Variants in ZNF561 observed in about 807,000 individuals in gnomAD.
The protein encoded by ZNF561 is zinc finger protein 561.
ZNF561 carries 16 observed loss-of-function variants against 16.7 expected under a neutral mutation model. The ratio of observed to expected loss-of-function variants is 0.96; its 90% CI spans 0.65 to 1.45. ZNF561 has a LOEUF of 1.45. Among genes scored for constraint, ZNF561 ranks in the 40% most tolerant of loss-of-function variants. The pLI is 0.00. For missense variants in ZNF561, 580 were observed against 578.0 expected, an observed-to-expected ratio of 1.00 and a Z score of -0.04; for synonymous variants, 190 against 192.1, an observed-to-expected ratio of 0.99 and a Z score of 0.09.
chr19:9,611,472 A>C, intron 5 of ZNF561, 136 bp from the exon 6 acceptor site: 1 of 992,790 alleles, frequency 1.0e-6, no homozygotes, highest in Admixed American at 3.4e-5. Flanking sequence ...TTTTGAGAGA[A>C]AGTCTTGTTC....
chr19:9,608,560 C>A lies in ZNF561; in HGVS notation c.*1640G>T, dbSNP rs1323836956. The A allele has an allele frequency of 6.6e-6, 1 of 151,934 alleles. No individual in the cohort carries two copies. The highest frequency in any genetic ancestry group is 1.9e-4 in the East Asian group (1 of 5,190). 9.4% of individuals were successfully genotyped at this position (151,934 alleles called of 1,614,324 possible). On this transcript the variant is annotated 3_prime_UTR_variant, in exon 6 of 6. Coordinates refer to ENST00000302851, the MANE Select transcript of ZNF561 (RefSeq NM_152289.3). Reference sequence around the variant, plus strand: ...CTCATTAAGGCAGATTAAAAACAAACAAACAAAAAAACTAAAAATGTGAAG... The same window carrying A: ...CTCATTAAGGCAGATTAAAAACAAAAAAACAAAAAAACTAAAAATGTGAAG...
At chr19:9,614,778 G>A (rs183313237) in intron 4 of ZNF561, among the ~76,000 whole-genome samples, 122 of 151,292 alleles carry the variant, frequency 8.1e-4, no homozygotes, top group African/African-American at 2.5e-3. Context: ...AAGAGTCAAA[G>A]ATATCCAAAA....
Position 9,619,466 on chromosome 19 carries a change from C to G in ZNF561, c.-10G>C. The G allele has an allele frequency of 6.2e-7, 1 of 1,612,978 alleles. No homozygotes were observed. Among genetic ancestry groups the G allele is most frequent in the Non-Finnish European group, 8.5e-7 (1 of 1,179,298 alleles). On this transcript the variant is annotated 5_prime_UTR_variant, in exon 2 of 6. Coordinates refer to ENST00000302851, the MANE Select transcript of ZNF561 (RefSeq NM_152289.3). ...AATAAATGGCTGCCATTCTCTGAAG[C>G]TGATGGTGTGATGATGTGCATCCCT...
Position 9,619,458 on chromosome 19 carries a change from C to T in ZNF561, c.-2G>A. On this transcript the variant is annotated 5_prime_UTR_variant, in exon 2 of 6. Coordinates refer to ENST00000302851, the MANE Select transcript of ZNF561 (RefSeq NM_152289.3). ...ACGGGACAAATAAATGGCTGCCATT[C>T]TCTGAAGCTGATGGTGTGATGATGT... 1 of 1,613,126 alleles carries T rather than the reference C, an allele frequency of 6.2e-7. No individual in the cohort carries two copies. The highest frequency in any genetic ancestry group is 1.7e-4 in the Middle Eastern group (1 of 6,060).
intron 1 of ZNF561, among the ~76,000 whole-genome samples, chr19:9,619,926 C>CTATCTATCTATCTATCTATCTATCTATT (rs1555692407): frequency 1.6e-3 from 203 of 129,998 alleles, no homozygotes; most frequent in Admixed American, 2.6e-3. Flanking sequence ...TCTATCCTAT[C>CTATCTATCTATCTATCTATCTATCTATT]TATCTATCTA....
chr19:9,619,830 T>C (rs893668544), intron 1 of ZNF561, among the ~76,000 whole-genome samples: 1 of 152,220 alleles, frequency 6.6e-6, no homozygotes, highest in African/African-American at 2.4e-5. Context: ...CCAGTAGCTA[T>C]CATTACCTCT....
intron 5 of ZNF561, among the ~76,000 whole-genome samples, chr19:9,612,366 G>C (rs1460996506): frequency 6.6e-6 from 1 of 151,908 alleles, no homozygotes; most frequent in Non-Finnish European, 1.5e-5. Context: ...ATTACAGGCA[G>C]GTGTAGCCAC....
chr19:9,608,777 T>C lies in ZNF561; in HGVS notation c.*1423A>G, dbSNP rs117610133. On this transcript the variant is annotated 3_prime_UTR_variant, in exon 6 of 6. Transcript: ENST00000302851. ...CTGTATTCTAGCACTTTGCGGAAGG[T>C]AGAGCTTGAGAGAGATAAAACTGGT... The C allele has an allele frequency of 5.6e-3, 849 of 152,274 alleles. 3 individuals are homozygous for C. The highest frequency in any genetic ancestry group is 7.4e-3 in the Non-Finnish European group (506 of 68,014). 9.4% of individuals were successfully genotyped at this position (152,274 alleles called of 1,614,324 possible). A position where few individuals can be genotyped will look rare whatever the true frequency, so the allele number is the denominator to read the frequency against.
chr19:9,620,633 G>A (rs976111557), intron 1 of ZNF561, among the ~76,000 whole-genome samples: 13 of 152,094 alleles, frequency 8.5e-5, no homozygotes, highest in South Asian at 2.1e-4. Context: ...TTACCCCCCC[G>A]CCATATGACC....
Position 9,614,042 on chromosome 19 carries a change from T to G in ZNF561, c.303A>C (p.Gln101His), listed in dbSNP as rs752131627. 5.0e-6 allele frequency: 8 copies of G among 1,613,942 alleles called. No individual in the cohort carries two copies. The South Asian group carries it at 6.6e-5, about 13-fold the overall frequency. Residue 101 changes from glutamine to histidine, a missense_variant, in exon 5 of 6, where the codon CAA becomes CAC. Transcript: ENST00000302851. ...SSLQQGFLKN[Q>H]IFSGIQMTRG... ...TTACCATTTGTATCCCACTGAATAT[T>G]TGATTCTTCAAAAAACCCTGCTGAA...
In ZNF561 at chr19:9,620,561, T is replaced by A. The variant is rs545748922; in HGVS notation, c.-127+601A>T. On this transcript the variant is annotated intron_variant, in intron 1 of 5. Coordinates refer to ENST00000302851, the MANE Select transcript of ZNF561 (RefSeq NM_152289.3). ...ATTTAATACTGAAAAAAACCTACAC[T>A]CAAACAACCCTAGTAGTCGGTCTGA... Among the ~76,000 whole-genome samples, 19 of 151,994 alleles carry A rather than the reference T, an allele frequency of 1.3e-4. No homozygotes were observed. In the South Asian group the frequency reaches 3.7e-3, roughly 30 times the overall value.
At chr19:9,620,884 T>C (rs966090986) in intron 1 of ZNF561, 1 of 152,104 alleles carries the variant, frequency 6.6e-6, no homozygotes, top group East Asian at 1.9e-4. Context: ...CTACTAAAGA[T>C]AGAAAAAGTA....
chr19:9,621,006 G>A (rs2074664154), intron 1 of ZNF561, 156 bp downstream of exon 1: 2 of 152,350 alleles, frequency 1.3e-5, no homozygotes, highest in East Asian at 1.9e-4. Context: ...CCGAGAGAGC[G>A]CGCAGCCTCT....
Position 9,617,039 on chromosome 19 carries a change from T to G in ZNF561, c.241+6A>C. 2 of 1,607,586 alleles carry G rather than the reference T, an allele frequency of 1.2e-6. No individual in the cohort carries two copies. Among genetic ancestry groups the G allele is most frequent in the Non-Finnish European group, 1.7e-6 (2 of 1,175,858 alleles). On this transcript the variant is annotated splice_donor_region_variant and intron_variant, in intron 4 of 5. Coordinates refer to ENST00000302851, the MANE Select transcript of ZNF561 (RefSeq NM_152289.3). Reference sequence around the variant, plus strand: ...ACCATGCCAAGCATAGTGATGTTACTCTTACCCACAGAGGCCAGGTTCATG... The same window carrying G: ...ACCATGCCAAGCATAGTGATGTTACGCTTACCCACAGAGGCCAGGTTCATG...
chr19:9,612,253 G>T (rs898472537), intron 5 of ZNF561, among the ~76,000 whole-genome samples: 1 of 150,704 alleles, frequency 6.6e-6, no homozygotes, highest in Non-Finnish European at 1.5e-5. Context: ...TTGAGATGTA[G>T]TCTCACTTTG....
intron 2 of ZNF561, chr19:9,619,084 C>A: frequency 6.3e-6 from 1 of 158,212 alleles, no homozygotes; most frequent in Non-Finnish European, 1.4e-5. Context: ...GTCTCAAAAA[C>A]AAAAACAAAC....
At chr19:9,619,667 T>A (rs541430881) in intron 1 of ZNF561, 85 bp from the exon 2 acceptor site, 1 of 426,428 alleles carries the variant, frequency 2.3e-6, no homozygotes, top group Admixed American at 4.2e-5. Context: ...AGGTGACAGA[T>A]GTGAAGGCCA....
In ZNF561 at chr19:9,619,555, T is replaced by C; in HGVS notation, c.-99A>G. The C allele has an allele frequency of 7.9e-7, 1 of 1,273,004 alleles. No homozygotes were observed. Among genetic ancestry groups the C allele is most frequent in the Non-Finnish European group, 1.1e-6 (1 of 882,656 alleles). The allele number at this position is 1,273,004 out of a possible 1,614,324, so 78.9% of individuals were successfully genotyped here. ...CTAGGTGGATAGAGGCAATCTCCAT[T>C]CCTCTTTGTACAGGGTTATTTGCGG... On this transcript the variant is annotated 5_prime_UTR_variant, in exon 2 of 6. Coordinates refer to ENST00000302851, the MANE Select transcript of ZNF561 (RefSeq NM_152289.3).
In ZNF561 at chr19:9,610,602, A is replaced by G. The variant is rs1337277636; in HGVS notation, c.1059T>C (p.Ser353=). The part of the protein sequence containing the change: ...GQAFAQYSGL[S]IHIRSHSGKK... Reference sequence around the variant, plus strand: ...TTCCACTGTGACTTCGTATGTGTATAGAAAGGCCCGAGTACTGAGCAAAGG... The same window carrying G: ...TTCCACTGTGACTTCGTATGTGTATGGAAAGGCCCGAGTACTGAGCAAAGG... Residue 353 remains serine (S), a synonymous_variant, in exon 6 of 6, where the codon TCT becomes TCC. Transcript: ENST00000302851. The G allele has an allele frequency of 1.2e-6, 2 of 1,613,592 alleles. No individual in the cohort carries two copies. Among genetic ancestry groups the G allele is most frequent in the Non-Finnish European group, 1.7e-6 (2 of 1,179,772 alleles).
Sources: allele counts gnomAD v4.1 joint callset (sites outside exome capture counted in the v4.1 genomes callset), GRCh38; gene constraint gnomAD v4.1.1; transcripts MANE v1.5; gene names NCBI Gene and HGNC (gene_info 2026-07-23, HGNC 2026-07-21).